The following INPP4B variants were observed in gnomAD, a reference collection of about 807,000 sequenced individuals.
INPP4B encodes the protein inositol polyphosphate-4-phosphatase type II B.
Under a neutral mutation model 122.5 loss-of-function variants are expected in INPP4B, and 55 were observed. The ratio of observed to expected loss-of-function variants is 0.45; its 90% CI spans 0.36 to 0.56. INPP4B has a LOEUF of 0.56. Among genes scored for constraint, INPP4B ranks in the 20% least tolerant of loss-of-function variants. The pLI is 0.00. For missense variants in INPP4B, 1,000 were observed against 1,097.7 expected (o/e 0.91, Z 1.26); for synonymous variants, 403 against 388.7 (o/e 1.04, Z -0.43).
At chr4:142,196,879 C>G (rs915033779) in intron 14 of INPP4B, among the ~76,000 whole-genome samples, 1 of 151,970 alleles carries the variant, frequency 6.6e-6, no homozygotes, top group African/African-American at 2.4e-5. Context: ...AATCCCAGCA[C>G]TTTGGGAGGC....
chr4:142,369,964 A>G (rs2148683817), intron 7 of INPP4B, among the ~76,000 whole-genome samples: 1 of 151,264 alleles, frequency 6.6e-6, no homozygotes, highest in East Asian at 1.9e-4. Context: ...TAGTAGAGGG[A>G]GTGCCTCATT....
intron 16 of INPP4B, among the ~76,000 whole-genome samples, chr4:142,168,114 C>T (rs1393971407): frequency 6.6e-6 from 1 of 151,326 alleles, no homozygotes; most frequent in Non-Finnish European, 1.5e-5. Context: ...GTTGTTTTCA[C>T]AATGTTCTAT....
intron 11 of INPP4B, among the ~76,000 whole-genome samples, chr4:142,246,053 A>ATGTACACACACGTGTGTGTATACACACAT (rs1561601421): frequency 8.7e-3 from 432 of 49,768 alleles, no homozygotes; most frequent in Non-Finnish European, 0.01. Context: ...TACACACATT[A>ATGTACACACACGTGTGTGTATACACACAT]TATATATGTG....
intron 2 of INPP4B, among the ~76,000 whole-genome samples, chr4:142,545,761 A>G (rs1464476462): frequency 1.3e-5 from 1 of 78,372 alleles, no homozygotes; most frequent in African/African-American, 3.5e-5. Flanking sequence ...ATACACATGT[A>G]TATGTGTGTA....
intron 25 of INPP4B, among the ~76,000 whole-genome samples, chr4:142,078,298 A>T (rs1771943436): frequency 6.6e-6 from 1 of 151,990 alleles, no homozygotes; most frequent in South Asian, 2.1e-4. Context: ...TTTGTTTTTG[A>T]ATTAGAATAA....
intron 5 of INPP4B, among the ~76,000 whole-genome samples, chr4:142,418,917 G>A (rs981125856): frequency 3.3e-5 from 5 of 152,154 alleles, no homozygotes; most frequent in South Asian, 2.1e-4. Flanking sequence ...GCCTGCTGGC[G>A]CAGGTGAGAG....
chr4:142,282,591 T>A (rs1751700207), intron 9 of INPP4B, among the ~76,000 whole-genome samples: 1 of 152,122 alleles, frequency 6.6e-6, no homozygotes, highest in African/African-American at 2.4e-5. Flanking sequence ...TAGAACTTAT[T>A]TTCTTGTGGC....
At chr4:142,678,108 A>G (rs563515840) in intron 2 of INPP4B, among the ~76,000 whole-genome samples, 8 of 152,140 alleles carry the variant, frequency 5.3e-5, no homozygotes, top group Admixed American at 4.6e-4. Context: ...TCTTTTCAGT[A>G]GAAATACAAA....
chr4:142,379,905 G>A (rs1188526394), intron 7 of INPP4B, among the ~76,000 whole-genome samples: 7 of 152,192 alleles, frequency 4.6e-5, no homozygotes, highest in African/African-American at 1.4e-4. Context: ...CTACTGTGTA[G>A]GCAAGACCAG....
intron 1 of INPP4B, among the ~76,000 whole-genome samples, chr4:142,783,851 A>T (rs1193407227): frequency 6.6e-6 from 1 of 152,176 alleles, no homozygotes; most frequent in Non-Finnish European, 1.5e-5. Context: ...TAGTGAATGT[A>T]GAGCAGGGTA....
At chr4:142,359,044 C>G (rs1010173427) in intron 7 of INPP4B, among the ~76,000 whole-genome samples, 2 of 151,872 alleles carry the variant, frequency 1.3e-5, no homozygotes, top group African/African-American at 4.8e-5. Context: ...AAAATTAGTT[C>G]AGAAATCATC....
chr4:142,550,577 A>G (rs1293557436), intron 2 of INPP4B, among the ~76,000 whole-genome samples: 1 of 144,762 alleles, frequency 6.9e-6, no homozygotes, highest in African/African-American at 2.6e-5. Context: ...TCATCATTAT[A>G]TATGTAATAT....
chr4:142,217,636 GTTAATTGTACATA>G (rs1439455895), intron 12 of INPP4B, among the ~76,000 whole-genome samples: 2 of 152,150 alleles, frequency 1.3e-5, no homozygotes, highest in African/African-American at 4.8e-5. Flanking sequence ...TATTGTGATG[GTTAATTGTACATA>G]TCAACTTGGT....
Position 142,813,217 on chromosome 4 carries a change from C to T in INPP4B, c.-254+32992G>A, listed in dbSNP as rs191805312. ...ATGACACTATCTTACAACCTTATAACCTTTTCATAAACATTATGTCATTTC... is the reference window on the plus strand; with the variant it reads ...ATGACACTATCTTACAACCTTATAATCTTTTCATAAACATTATGTCATTTC... On this transcript the variant is annotated intron_variant, in intron 1 of 25. Transcript: ENST00000262992. Among the ~76,000 whole-genome samples the T allele has an allele frequency of 6.0e-4, 91 of 152,282 alleles. No homozygotes were observed. The East Asian group carries it at 0.014, about 24-fold the overall frequency.
chr4:142,294,829 CAAAAAAAAA>C (rs57430432), intron 9 of INPP4B, among the ~76,000 whole-genome samples: 28 of 28,476 alleles, frequency 9.8e-4, no homozygotes, highest in East Asian at 4.5e-3. Flanking sequence ...GACTCCGTCT[CAAAAAAAAA>C]AAAAAAAAAA....
chr4:142,108,964 C>G (rs1788611318), intron 22 of INPP4B, among the ~76,000 whole-genome samples: 1 of 152,106 alleles, frequency 6.6e-6, no homozygotes, highest in Non-Finnish European at 1.5e-5. Flanking sequence ...TCCAACTCCA[C>G]TTCAAATATA....
At chr4:142,797,453 AAAGGC>A (rs1478152002) in intron 1 of INPP4B, among the ~76,000 whole-genome samples, 3 of 152,076 alleles carry the variant, frequency 2.0e-5, no homozygotes, top group Admixed American at 2.0e-4. Flanking sequence ...CACAGAGCAA[AAAGGC>A]GAAGAGAAGA....
At chr4:142,503,776 T>C (rs1580229730) in intron 2 of INPP4B, among the ~76,000 whole-genome samples, 1 of 152,122 alleles carries the variant, frequency 6.6e-6, no homozygotes, top group African/African-American at 2.4e-5. Flanking sequence ...CAAATCAATA[T>C]GCACTGGTAT....
At chr4:142,345,719 A>G (rs1197207842) in intron 7 of INPP4B, among the ~76,000 whole-genome samples, 4 of 152,064 alleles carry the variant, frequency 2.6e-5, no homozygotes, top group Non-Finnish European at 5.9e-5. Context: ...GTAAAAACAA[A>G]AAAATAGAGT....
Sources: allele counts gnomAD v4.1 joint callset (sites outside exome capture counted in the v4.1 genomes callset), GRCh38; gene constraint gnomAD v4.1.1; transcripts MANE v1.5; gene names NCBI Gene and HGNC (gene_info 2026-07-23, HGNC 2026-07-21).